OSBPL10: variants seen among roughly 807,000 people sequenced by gnomAD.
The protein encoded by OSBPL10 is oxysterol-binding protein-related protein 10.
Under a neutral mutation model 81.7 loss-of-function variants are expected in OSBPL10, and 49 were observed. That is an observed-to-expected ratio of 0.60 (90% CI 0.48 to 0.76). The LOEUF is 0.76. Among genes scored for constraint, OSBPL10 ranks in the 30% least tolerant of loss-of-function variants. OSBPL10 has a pLI of 0.00. For missense variants in OSBPL10, 923 were observed against 987.8 expected (o/e 0.93, Z 0.88); for synonymous variants, 419 against 383.6 (o/e 1.09, Z -1.08).
intron 4 of OSBPL10, among the ~76,000 whole-genome samples, chr3:31,792,746 T>A (rs886596368): frequency 1.1e-5 from 1 of 92,816 alleles, no homozygotes; most frequent in Non-Finnish European, 1.9e-5. Context: ...ACAGAGTGTG[T>A]GTGTGTGTGT....
At chr3:31,750,168 C>T (rs1295281427) in intron 4 of OSBPL10, among the ~76,000 whole-genome samples, 2 of 152,162 alleles carry the variant, frequency 1.3e-5, no homozygotes, top group Non-Finnish European at 2.9e-5. Context: ...GGCGACAGAG[C>T]AAGACTCAGT....
rs149389239 is a variant in OSBPL10, at chr3:31,822,751, A to G, written c.729+7289T>C. ...ATAGCAAGACCCCATATTTACAAAA[A>G]ACTTTAAAAAAAATTAGCCAGGTAT... On this transcript the variant is annotated intron_variant, in intron 4 of 11. Transcript: ENST00000396556. 9.2e-5 allele frequency among the ~76,000 whole-genome samples: 14 copies of G among 151,900 alleles called. No individual in the cohort carries two copies. The East Asian group carries it at 2.7e-3, about 29-fold the overall frequency.
At position 31,879,533 on chromosome 3, in the gene OSBPL10, G is replaced by C. The variant is rs926445757; in HGVS notation, c.457+122C>G. ...AAGAGAGGCAATGTGTGTCACCACAGAGTCCTCCAAACACAGCAAACTGTC... is the reference window on the plus strand; with the variant it reads ...AAGAGAGGCAATGTGTGTCACCACACAGTCCTCCAAACACAGCAAACTGTC... On this transcript the variant is annotated intron_variant, in intron 2 of 11. Transcript: ENST00000396556. The C allele has an allele frequency of 5.0e-6, 5 of 1,005,262 alleles. No individual in the cohort carries two copies. In the African/African-American group the frequency reaches 6.6e-5, roughly 13 times the overall value. The allele number at this position is 1,005,262 out of a possible 1,614,324, so 62.3% of individuals were successfully genotyped here.
intron 1 of OSBPL10, among the ~76,000 whole-genome samples, chr3:31,975,055 T>G (rs769897599): frequency 1.4e-4 from 22 of 152,152 alleles, no homozygotes; most frequent in Admixed American, 3.3e-4. Flanking sequence ...GTGAATCTCC[T>G]CAAATATACA....
At chr3:31,680,217 G>T (rs1350040631) in intron 8 of OSBPL10, among the ~76,000 whole-genome samples, 4 of 152,184 alleles carry the variant, frequency 2.6e-5, no homozygotes, top group Admixed American at 6.5e-5. Context: ...TGTTTTCTCA[G>T]TGTCAGAGAG....
At chr3:31,677,703 G>C (rs1700515636) in intron 8 of OSBPL10, among the ~76,000 whole-genome samples, 1 of 152,186 alleles carries the variant, frequency 6.6e-6, no homozygotes, top group South Asian at 2.1e-4. Context: ...TCTGCCTGCT[G>C]CCTATGAGAA....
At chr3:32,053,145 C>G (rs1699682070) in intron 1 of OSBPL10, among the ~76,000 whole-genome samples, 1 of 151,274 alleles carries the variant, frequency 6.6e-6, no homozygotes, top group Non-Finnish European at 1.5e-5. Flanking sequence ...TGCTTGTTTA[C>G]CAGGTTTTTC....
intron 1 of OSBPL10, among the ~76,000 whole-genome samples, chr3:31,942,534 C>CCAAAAA (rs1553642468): frequency 1.0e-4 from 8 of 79,760 alleles, no homozygotes; most frequent in African/African-American, 3.9e-4. Context: ...GACTCCATCT[C>CCAAAAA]AAAAAAAAAA....
chr3:31,823,570 T>A (rs1700030207), intron 4 of OSBPL10, among the ~76,000 whole-genome samples: 1 of 152,134 alleles, frequency 6.6e-6, no homozygotes, highest in Admixed American at 6.5e-5. Context: ...CCTCCCAACC[T>A]GTCCACAGCC....
At chr3:31,828,113 C>G (rs549497227) in intron 4 of OSBPL10, among the ~76,000 whole-genome samples, 1 of 152,194 alleles carries the variant, frequency 6.6e-6, no homozygotes, top group Non-Finnish European at 1.5e-5. Flanking sequence ...TTTCAACTGC[C>G]TTTGTTCAAG....
chr3:31,723,539 T>TACACACACACACACAC (rs35189802), intron 6 of OSBPL10, among the ~76,000 whole-genome samples: 1 of 125,038 alleles, frequency 8.0e-6, no homozygotes, highest in Non-Finnish European at 1.6e-5. Flanking sequence ...CTCTGTTTCT[T>TACACACACACACACAC]ACACACACAC....
chr3:32,048,713 C>A (rs984256586), intron 1 of OSBPL10, among the ~76,000 whole-genome samples: 6 of 152,178 alleles, frequency 3.9e-5, no homozygotes, highest in African/African-American at 1.4e-4. Context: ...TGAACCAGAG[C>A]AACTCCATTT....
At chr3:31,673,430 G>T (rs920532665) in intron 8 of OSBPL10, among the ~76,000 whole-genome samples, 3 of 152,160 alleles carry the variant, frequency 2.0e-5, no homozygotes, top group Non-Finnish European at 4.4e-5. Context: ...GGAAGAGAGA[G>T]AGGTCACCTC....
At chr3:31,815,271 G>A (rs1201548177) in intron 4 of OSBPL10, among the ~76,000 whole-genome samples, 1 of 151,874 alleles carries the variant, frequency 6.6e-6, no homozygotes, top group Non-Finnish European at 1.5e-5. Flanking sequence ...AGACACCCAG[G>A]AGCAGAGACA....
chr3:31,883,382 A>G (rs1019989905), intron 1 of OSBPL10, among the ~76,000 whole-genome samples: 6 of 152,072 alleles, frequency 3.9e-5, no homozygotes, highest in Admixed American at 3.9e-4. Flanking sequence ...CTGGGATTAC[A>G]GACACCACCA....
intron 1 of OSBPL10, among the ~76,000 whole-genome samples, chr3:32,067,240 T>C (rs918673581): frequency 2.6e-5 from 4 of 152,172 alleles, no homozygotes; most frequent in Admixed American, 2.6e-4. Context: ...TAATTTTGTC[T>C]TTTGACAGTC....
At chr3:31,800,149 T>C (rs1186025244) in intron 4 of OSBPL10, among the ~76,000 whole-genome samples, 2 of 152,206 alleles carry the variant, frequency 1.3e-5, no homozygotes, top group Non-Finnish European at 2.9e-5. Flanking sequence ...TTGAATCACA[T>C]TGATGAAGTG....
At chr3:31,841,482 G>T (rs1230479237) in intron 3 of OSBPL10, among the ~76,000 whole-genome samples, 1 of 152,236 alleles carries the variant, frequency 6.6e-6, no homozygotes, top group Non-Finnish European at 1.5e-5. Context: ...GAAATCTGCA[G>T]AAAGTGTGTG....
intron 4 of OSBPL10, among the ~76,000 whole-genome samples, chr3:31,773,284 T>C (rs1698435756): frequency 6.6e-6 from 1 of 152,208 alleles, no homozygotes; most frequent in African/African-American, 2.4e-5. Context: ...CACGAGCATA[T>C]CTGACATAAA....
Sources: gnomAD v4.1 joint callset for allele counts (sites outside exome capture counted in the v4.1 genomes callset) on GRCh38, gnomAD v4.1.1 for gene constraint, MANE v1.5 for transcripts, NCBI Gene and HGNC (gene_info 2026-07-23, HGNC 2026-07-21) for gene names.